The following SYT1 variants were observed in gnomAD, a reference collection of about 807,000 sequenced individuals.
The protein encoded by SYT1 is synaptotagmin 1, also known as synaptotagmin-1.
A neutral mutation model predicts 44.8 loss-of-function variants in SYT1; 8 were observed. The observed-to-expected ratio is 0.18, with a 90% CI of 0.10 to 0.32. SYT1 has a LOEUF of 0.32. SYT1 is among the 10% of genes least tolerant of loss of function. The pLI, the probability that SYT1 is intolerant of heterozygous loss-of-function variation, is 1.00. For missense variants in SYT1, 286 were observed against 509.3 expected (o/e 0.56, Z 4.22); for synonymous variants, 154 against 188.8 (o/e 0.82, Z 1.51).
chr12:79,001,922 A>G (rs1325797256), intron 2 of SYT1, among the ~76,000 whole-genome samples: 2 of 152,116 alleles, frequency 1.3e-5, no homozygotes, highest in African/African-American at 4.8e-5. Context: ...GAAGCTAAAA[A>G]GAGTACATGG....
At chr12:79,063,219 AG>A (rs1875518663) in intron 3 of SYT1, among the ~76,000 whole-genome samples, 1 of 152,204 alleles carries the variant, frequency 6.6e-6, no homozygotes, top group South Asian at 2.1e-4. Flanking sequence ...TTGTTAAGTT[AG>A]CATCATTTGC....
intron 4 of SYT1, among the ~76,000 whole-genome samples, chr12:79,255,752 C>T (rs1035180629): frequency 6.6e-6 from 1 of 152,054 alleles, no homozygotes; most frequent in Non-Finnish European, 1.5e-5. Flanking sequence ...AAATGAGGTG[C>T]CCTTGTGTTT....
At chr12:78,935,223 T>C (rs1877986424) in intron 1 of SYT1, among the ~76,000 whole-genome samples, 2 of 152,162 alleles carry the variant, frequency 1.3e-5, no homozygotes, top group African/African-American at 2.4e-5. Flanking sequence ...GTAGCACTGA[T>C]TGCATTTTCC....
chr12:78,981,932 C>T (rs940728932), intron 2 of SYT1, among the ~76,000 whole-genome samples: 3 of 151,998 alleles, frequency 2.0e-5, no homozygotes, highest in Non-Finnish European at 4.4e-5. Context: ...GGCATCCATG[C>T]CTAGGGATGG....
chr12:79,019,108 T>C (rs1444061526), intron 2 of SYT1, among the ~76,000 whole-genome samples: 1 of 151,982 alleles, frequency 6.6e-6, no homozygotes, highest in Non-Finnish European at 1.5e-5. Context: ...CTTTATTCAA[T>C]CAACAAGCAG....
chr12:79,340,348 A>G (rs1882307780), intron 8 of SYT1, among the ~76,000 whole-genome samples: 1 of 151,984 alleles, frequency 6.6e-6, no homozygotes, highest in East Asian at 1.9e-4. Context: ...TATTTCCTTG[A>G]GCAGTGGTTT....
At chr12:79,146,791 A>T (rs1004016819) in intron 3 of SYT1, among the ~76,000 whole-genome samples, 1 of 152,114 alleles carries the variant, frequency 6.6e-6, no homozygotes, top group Non-Finnish European at 1.5e-5. Context: ...TTTTAAAAAA[A>T]TTGTGTAAAG....
chr12:79,377,543 AATT>A (rs755967130), intron 9 of SYT1, among the ~76,000 whole-genome samples: 9 of 152,332 alleles, frequency 5.9e-5, no homozygotes, highest in Non-Finnish European at 1.2e-4. Context: ...GGGCTATTTA[AATT>A]ATAAACAGAT....
intron 2 of SYT1, among the ~76,000 whole-genome samples, chr12:78,978,819 ACTTT>A (rs1480240991): frequency 6.6e-6 from 1 of 152,178 alleles, no homozygotes; most frequent in African/African-American, 2.4e-5. Context: ...TCTATCTTAG[ACTTT>A]CTTTTCCCTG....
At chr12:79,120,560 C>G (rs555704501) in intron 3 of SYT1, among the ~76,000 whole-genome samples, 102 of 152,286 alleles carry the variant, frequency 6.7e-4, no homozygotes, top group African/African-American at 2.5e-3. Context: ...AAAACTAACA[C>G]ATTTTCAGTA....
At chr12:79,356,110 G>A (rs558301747) in intron 9 of SYT1, among the ~76,000 whole-genome samples, 5 of 151,748 alleles carry the variant, frequency 3.3e-5, no homozygotes, top group South Asian at 2.1e-4. Flanking sequence ...GAGCCACGGC[G>A]CGTCTGGGAG....
intron 4 of SYT1, among the ~76,000 whole-genome samples, chr12:79,254,213 T>C (rs1877389510): frequency 6.6e-6 from 1 of 152,212 alleles, no homozygotes; most frequent in South Asian, 2.1e-4. Context: ...TGACTCTTAG[T>C]AGGGATGAAT....
chr12:79,132,674 CAAAAAAAAA>C (rs71091641), intron 3 of SYT1, among the ~76,000 whole-genome samples: 2 of 43,716 alleles, frequency 4.6e-5, no homozygotes, highest in Admixed American at 3.3e-4. Context: ...GGAGTTTTCT[CAAAAAAAAA>C]AAAAAAAAAA....
intron 2 of SYT1, among the ~76,000 whole-genome samples, chr12:79,034,227 T>C (rs975879491): frequency 2.6e-5 from 4 of 151,580 alleles, no homozygotes; most frequent in African/African-American, 9.7e-5. Context: ...CTTTTGTTCC[T>C]CTAAGATTAG....
At chr12:79,422,242 A>G (rs1869164994) in intron 9 of SYT1, among the ~76,000 whole-genome samples, 1 of 152,076 alleles carries the variant, frequency 6.6e-6, no homozygotes, top group South Asian at 2.1e-4. Flanking sequence ...AACTTGATTC[A>G]TAGTACAAAG....
At chr12:79,360,063 G>T (rs111420662) in intron 9 of SYT1, among the ~76,000 whole-genome samples, 1 of 152,166 alleles carries the variant, frequency 6.6e-6, no homozygotes, top group African/African-American at 2.4e-5. Context: ...TTTTAAACAG[G>T]TCCTCCCCGT....
rs188254805 is a variant in SYT1 at position 79,229,842 on chromosome 12, G to T, written c.166+12157G>T. Among the ~76,000 whole-genome samples the T allele has an allele frequency of 8.5e-4, 129 of 152,034 alleles. 3 individuals carry two copies. The East Asian group carries it at 0.011, about 13-fold the overall frequency. The stretch of plus-strand genomic sequence containing the variant: ...ACTCCTGACCTCGGGTGATCCACCC[G>T]CCTCAGCCTCCCAAAATGCTAGAAT... On this transcript the variant is annotated intron_variant, in intron 4 of 10. Coordinates refer to ENST00000261205, the MANE Select transcript of SYT1 (RefSeq NM_005639.3).
chr12:79,133,729 C>G (rs901894860), intron 3 of SYT1, among the ~76,000 whole-genome samples: 2 of 152,162 alleles, frequency 1.3e-5, no homozygotes, highest in African/African-American at 4.8e-5. Flanking sequence ...TTAAACTTTG[C>G]TCTTGCATCC....
intron 3 of SYT1, among the ~76,000 whole-genome samples, chr12:79,068,379 A>G (rs1465729218): frequency 6.6e-6 from 1 of 152,130 alleles, no homozygotes; most frequent in Admixed American, 6.6e-5. Flanking sequence ...ATACTTGAAA[A>G]CGGTATCAAT....
Sources: gnomAD v4.1 joint callset for allele counts (sites outside exome capture counted in the v4.1 genomes callset) on GRCh38, gnomAD v4.1.1 for gene constraint, MANE v1.5 for transcripts, NCBI Gene and HGNC (gene_info 2026-07-23, HGNC 2026-07-21) for gene names.